Variants in DIAPH2 observed in about 807,000 individuals in gnomAD.
DIAPH2 encodes the protein diaphanous related formin 2, also known as protein diaphanous homolog 2.
In DIAPH2, 35 loss-of-function variants were observed where a neutral mutation model predicts 92.7. The observed-to-expected ratio is 0.38, with a 90% CI of 0.29 to 0.50. The LOEUF (loss-of-function observed/expected upper bound fraction) is 0.50, where lower values mean the gene tolerates loss of function less well. DIAPH2 is among the 20% of genes least tolerant of loss of function. The pLI is 0.94. For synonymous variants in DIAPH2, 301 were observed against 280.4 expected (o/e 1.07, Z -0.73); for missense variants, 701 against 819.5 (o/e 0.86, Z 1.77).
intron 1 of DIAPH2, among the ~76,000 whole-genome samples, chrX:96,685,948 A>G (rs2063768584): frequency 8.9e-6 from 1 of 112,144 alleles, no homozygotes; most frequent in African/African-American, 3.2e-5. Context: ...GTAGCAGTCC[A>G]TTTCCTGCCA....
chrX:97,598,941 A>ATCT (rs2071573417), intron 26 of DIAPH2, among the ~76,000 whole-genome samples: 1 of 112,253 alleles, frequency 8.9e-6, no homozygotes, highest in Non-Finnish European at 1.9e-5. Flanking sequence ...TCAATTTAAC[A>ATCT]TCTTTACCAA....
Position 96,885,397 on chromosome X carries a change from G to A in DIAPH2, c.587+3679G>A, listed in dbSNP as rs189894696. 579 of 137,773 alleles carry A rather than the reference G, an allele frequency of 4.2e-3. 4 individuals carry two copies. Among genetic ancestry groups the A allele is most frequent in the African/African-American group, 0.022 (553 of 25,397 alleles). 11.4% of individuals were successfully genotyped at this position (137,773 alleles called of 1,213,427 possible). ...AAATTTATTATTTAATTGTGTTGGA[G>A]CTTCTTTTTCCAAAAGAAAAACTAG... is the stretch of plus-strand genomic sequence containing the variant. On this transcript the variant is annotated intron_variant, in intron 5 of 26. Coordinates refer to ENST00000324765, the MANE Select transcript of DIAPH2 (RefSeq NM_006729.5).
At chrX:97,564,016 G>A (rs991294852) in intron 26 of DIAPH2, among the ~76,000 whole-genome samples, 2 of 111,976 alleles carry the variant, frequency 1.8e-5, no homozygotes, top group Non-Finnish European at 3.8e-5. Context: ...TTAAAAACAG[G>A]CTGCTGCATC....
intron 22 of DIAPH2, among the ~76,000 whole-genome samples, chrX:97,185,319 ATATATGTGTATATATATATATG>A (rs1178309538): frequency 3.9e-5 from 2 of 50,726 alleles, no homozygotes; most frequent in African/African-American, 2.2e-4. Flanking sequence ...ATATATATAT[ATATATGTGTATATATATATATG>A]TATATATATA....
At chrX:97,245,106 A>G (rs1219483600) in intron 22 of DIAPH2, among the ~76,000 whole-genome samples, 3 of 92,398 alleles carry the variant, frequency 3.2e-5, no homozygotes, top group African/African-American at 1.1e-4. Flanking sequence ...AAAAAAAGCC[A>G]CATGAGTTTT....
At chrX:97,057,260 A>G (rs1242122992) in intron 17 of DIAPH2, among the ~76,000 whole-genome samples, 1 of 111,761 alleles carries the variant, frequency 8.9e-6, no homozygotes, top group African/African-American at 3.3e-5. Flanking sequence ...TCTTAAGGCT[A>G]GTGACTTGTT....
At chrX:96,853,241 A>G (rs1298550411) in intron 4 of DIAPH2, among the ~76,000 whole-genome samples, 1 of 111,947 alleles carries the variant, frequency 8.9e-6, no homozygotes, top group Non-Finnish European at 1.9e-5. Context: ...GTTTATGTAT[A>G]CTTTTCCTGT....
intron 26 of DIAPH2, among the ~76,000 whole-genome samples, chrX:97,468,966 G>A (rs1257547334): frequency 1.8e-5 from 2 of 111,834 alleles, no homozygotes. Context: ...GAATGTGAAT[G>A]TATAATAAAG....
Position 97,599,359 on chromosome X carries a change from A to AAAT in DIAPH2, c.*43_*45dup. The AAAT allele has an allele frequency of 1.0e-6, 1 of 973,252 alleles. No individual in the cohort carries two copies. The highest frequency in any genetic ancestry group is 1.4e-6 in the Non-Finnish European group (1 of 699,564). 80.2% of individuals were successfully genotyped at this position (973,252 alleles called of 1,213,427 possible). A position where few individuals can be genotyped will look rare whatever the true frequency, so the allele number is the denominator to read the frequency against. ...ATATGAAAATATTTAAGTAAAAACAAAATGATGCATTTTGAGAAGAACAAA... is the reference window on the plus strand; with the variant it reads ...ATATGAAAATATTTAAGTAAAAACAAAATAATGATGCATTTTGAGAAGAACAAA... On this transcript the variant is annotated 3_prime_UTR_variant, in exon 27 of 27. Transcript: ENST00000324765.
chrX:96,857,821 G>T (rs1014235594), intron 4 of DIAPH2, among the ~76,000 whole-genome samples: 9 of 112,407 alleles, frequency 8.0e-5, no homozygotes, highest in African/African-American at 2.9e-4. Context: ...TGCCCTGCAT[G>T]TCACACATGG....
At chrX:97,300,030 C>A (rs1234935490) in intron 23 of DIAPH2, among the ~76,000 whole-genome samples, 1 of 111,891 alleles carries the variant, frequency 8.9e-6, no homozygotes, top group African/African-American at 3.2e-5. Context: ...AACAAGAAAG[C>A]ATGATTATAG....
At chrX:96,784,911 C>A (rs2064444121) in intron 4 of DIAPH2, among the ~76,000 whole-genome samples, 1 of 112,287 alleles carries the variant, frequency 8.9e-6, no homozygotes, top group Non-Finnish European at 1.9e-5. Flanking sequence ...GTCAGATCAT[C>A]TCAGAAAAGA....
intron 4 of DIAPH2, among the ~76,000 whole-genome samples, chrX:96,830,367 C>T (rs1221999219): frequency 9.2e-6 from 1 of 108,863 alleles, no homozygotes; most frequent in African/African-American, 3.3e-5. Flanking sequence ...GTCAGGAGAT[C>T]GAGACCATCC....
chrX:97,106,642 T>C (rs147089367), intron 20 of DIAPH2, among the ~76,000 whole-genome samples: 1,561 of 111,706 alleles, frequency 0.014, 25 homozygotes, highest in African/African-American at 0.048. Flanking sequence ...ATAGAAATTT[T>C]TATGGCTGTG....
At chrX:97,068,561 C>G (rs1280203715) in intron 17 of DIAPH2, among the ~76,000 whole-genome samples, 1 of 111,252 alleles carries the variant, frequency 9.0e-6, no homozygotes, top group African/African-American at 3.3e-5. Flanking sequence ...CAAAAAAAAT[C>G]ATTAAACCTG....
intron 1 of DIAPH2, among the ~76,000 whole-genome samples, chrX:96,707,397 C>G (rs1445513215): frequency 1.8e-5 from 2 of 109,865 alleles, no homozygotes; most frequent in Non-Finnish European, 3.8e-5. Context: ...TCTTGAACTC[C>G]TGGTCTCAGG....
intron 5 of DIAPH2, among the ~76,000 whole-genome samples, chrX:96,901,583 G>A (rs1197372258): frequency 1.2e-5 from 1 of 84,569 alleles, no homozygotes; most frequent in Non-Finnish European, 2.2e-5. Context: ...CCAGGCTGGA[G>A]TACAGTGGTT....
At chrX:97,157,532 C>T (rs2067333343) in intron 22 of DIAPH2, among the ~76,000 whole-genome samples, 1 of 110,305 alleles carries the variant, frequency 9.1e-6, no homozygotes, top group Non-Finnish European at 1.9e-5. Context: ...GCACATCTCC[C>T]CATATATATA....
intron 24 of DIAPH2, among the ~76,000 whole-genome samples, chrX:97,367,173 ACT>A (rs910163096): frequency 2.7e-5 from 3 of 111,514 alleles, no homozygotes; most frequent in Non-Finnish European, 5.6e-5. Context: ...AGCCAGAAAA[ACT>A]CTATAAATAA....
Sources: gnomAD v4.1 joint callset for allele counts (sites outside exome capture counted in the v4.1 genomes callset) on GRCh38, gnomAD v4.1.1 for gene constraint, MANE v1.5 for transcripts, NCBI Gene and HGNC (gene_info 2026-07-23, HGNC 2026-07-21) for gene names.